DLGAP1: variants seen among roughly 807,000 people sequenced by gnomAD.
The protein encoded by DLGAP1 is disks large-associated protein 1.
DLGAP1 carries 11 observed loss-of-function variants against 90.8 expected under a neutral mutation model. The observed-to-expected ratio is 0.12, with a 90% CI of 0.08 to 0.20. The LOEUF is 0.20. Ranked by LOEUF, DLGAP1 falls within the 10% of genes least tolerant of loss-of-function variation. DLGAP1 has a pLI of 1.00. For synonymous variants in DLGAP1, 558 were observed against 540.7 expected, an observed-to-expected ratio of 1.03 and a Z score of -0.44; for missense variants, 1,050 against 1,333.8, an observed-to-expected ratio of 0.79 and a Z score of 3.31.
chr18:4,313,937 G>A (rs1461014407), intron 1 of DLGAP1, among the ~76,000 whole-genome samples: 1 of 152,170 alleles, frequency 6.6e-6, no homozygotes, highest in African/African-American at 2.4e-5. Context: ...ATGTCTGCAG[G>A]TCATATGGAG....
At chr18:4,265,192 G>C (rs886271546) in intron 1 of DLGAP1, among the ~76,000 whole-genome samples, 1 of 134,628 alleles carries the variant, frequency 7.4e-6, no homozygotes, top group Non-Finnish European at 1.5e-5. Flanking sequence ...TCTTTTTGAC[G>C]GAGTCTCCCT....
intron 1 of DLGAP1, among the ~76,000 whole-genome samples, chr18:4,401,940 T>C (rs1307119050): frequency 6.6e-6 from 1 of 152,182 alleles, no homozygotes; most frequent in Non-Finnish European, 1.5e-5. Flanking sequence ...TAAACTATAT[T>C]TTAAGGCTGC....
At chr18:4,370,898 C>T (rs2081901143) in intron 1 of DLGAP1, among the ~76,000 whole-genome samples, 1 of 152,100 alleles carries the variant, frequency 6.6e-6, no homozygotes, top group South Asian at 2.1e-4. Context: ...TATATCATTC[C>T]ACAATAGTGG....
intron 1 of DLGAP1, among the ~76,000 whole-genome samples, chr18:4,291,588 A>C (rs1423493760): frequency 6.6e-6 from 1 of 152,202 alleles, no homozygotes; most frequent in Non-Finnish European, 1.5e-5. Context: ...TATTTTATAC[A>C]TACACACATA....
intron 5 of DLGAP1, among the ~76,000 whole-genome samples, chr18:3,783,079 T>A (rs1300321557): frequency 6.6e-6 from 1 of 152,156 alleles, no homozygotes; most frequent in Non-Finnish European, 1.5e-5. Flanking sequence ...ATTTGAGCAA[T>A]GCAAATCAAA....
chr18:3,509,668 C>T lies in DLGAP1; in HGVS notation c.2480-1007G>A, dbSNP rs569746020. Among the ~76,000 whole-genome samples, 3 of 152,304 alleles carry T rather than the reference C, an allele frequency of 2.0e-5. No individual in the cohort carries two copies. In the South Asian group the frequency reaches 6.2e-4, roughly 32 times the overall value. ...GATATAGTACAGGATTTAAGCAATC[C>T]TGTTGTTCTGAATTTACGGAGCCAG... On this transcript the variant is annotated intron_variant, in intron 10 of 12. Coordinates refer to ENST00000315677, the MANE Select transcript of DLGAP1 (RefSeq NM_004746.4).
Position 4,358,582 on chromosome 18 carries a change from T to C in DLGAP1, c.-267+96424A>G, listed in dbSNP as rs74787942. 3.7e-3 allele frequency among the ~76,000 whole-genome samples: 563 copies of C among 152,336 alleles called. 8 individuals carry two copies. The highest frequency in any genetic ancestry group is 0.024 in the Admixed American group (362 of 15,298). On this transcript the variant is annotated intron_variant, in intron 1 of 12. Transcript: ENST00000315677. ...TCCAAATGCAAAGGCATTAGAGATATAACTGCAGACTACTCACTCTCCATT... is the reference window on the plus strand; with the variant it reads ...TCCAAATGCAAAGGCATTAGAGATACAACTGCAGACTACTCACTCTCCATT...
intron 4 of DLGAP1, among the ~76,000 whole-genome samples, chr18:3,817,055 GATC>G (rs1438730066): frequency 6.6e-6 from 1 of 152,180 alleles, no homozygotes. Context: ...GCATAGATAT[GATC>G]ATCTTCAGAG....
chr18:3,706,921 A>C (rs1432761561), intron 7 of DLGAP1, among the ~76,000 whole-genome samples: 2 of 152,258 alleles, frequency 1.3e-5, no homozygotes, highest in Non-Finnish European at 1.5e-5. Flanking sequence ...ACAAGATATC[A>C]GTGCCACTGA....
At chr18:4,310,307 A>C (rs1421439723) in intron 1 of DLGAP1, among the ~76,000 whole-genome samples, 18 of 152,090 alleles carry the variant, frequency 1.2e-4, no homozygotes, top group Non-Finnish European at 2.5e-4. Flanking sequence ...AACATTAGTC[A>C]GCTTGCATAT....
At chr18:3,590,438 G>C (rs1327865443) in intron 7 of DLGAP1, among the ~76,000 whole-genome samples, 1 of 152,168 alleles carries the variant, frequency 6.6e-6, no homozygotes, top group Non-Finnish European at 1.5e-5. Flanking sequence ...TTCAATCAGA[G>C]AGCCGGTTGT....
chr18:3,618,903 C>T (rs1279822721), intron 7 of DLGAP1, among the ~76,000 whole-genome samples: 1 of 149,686 alleles, frequency 6.7e-6, no homozygotes, highest in African/African-American at 2.5e-5. Context: ...CGTGTCACTG[C>T]ACTCCAGCCT....
chr18:3,851,886 G>A (rs1237144278), intron 4 of DLGAP1, among the ~76,000 whole-genome samples: 1 of 152,152 alleles, frequency 6.6e-6, no homozygotes, highest in South Asian at 2.1e-4. Context: ...AAGAAAACAG[G>A]AGGTTACTGG....
chr18:4,031,488 C>T (rs1209390629), intron 2 of DLGAP1, among the ~76,000 whole-genome samples: 3 of 152,158 alleles, frequency 2.0e-5, no homozygotes, highest in Non-Finnish European at 4.4e-5. Flanking sequence ...TCATTTTGTT[C>T]GCCCAAAAGC....
chr18:3,528,503 CATT>C (rs771766595), intron 10 of DLGAP1, among the ~76,000 whole-genome samples: 5 of 152,130 alleles, frequency 3.3e-5, no homozygotes, highest in Non-Finnish European at 7.4e-5. Flanking sequence ...CGCAAAGTAT[CATT>C]ATCTTGTCAA....
At chr18:3,696,131 G>A (rs532961530) in intron 7 of DLGAP1, among the ~76,000 whole-genome samples, 61 of 152,324 alleles carry the variant, frequency 4.0e-4, no homozygotes, top group African/African-American at 1.4e-3. Context: ...ATACAATCAT[G>A]TCATCTGCAA....
chr18:3,593,241 GTGAA>G (rs1599415342), intron 7 of DLGAP1, among the ~76,000 whole-genome samples: 1 of 152,252 alleles, frequency 6.6e-6, no homozygotes, highest in African/African-American at 2.4e-5. Context: ...TTAAGTTTCA[GTGAA>G]TGAATGAATT....
chr18:4,447,029 T>G (rs2083684144), intron 1 of DLGAP1, among the ~76,000 whole-genome samples: 1 of 152,212 alleles, frequency 6.6e-6, no homozygotes, highest in South Asian at 2.1e-4. Context: ...TATCACCAAG[T>G]GTTGACAAGG....
chr18:4,092,760 G>A lies in DLGAP1; in HGVS notation c.-159+58420C>T, dbSNP rs138003200. Among the ~76,000 whole-genome samples the A allele has an allele frequency of 2.4e-4, 37 of 152,140 alleles. No homozygotes were observed. The East Asian group carries it at 5.0e-3, about 21-fold the overall frequency. On this transcript the variant is annotated intron_variant, in intron 2 of 12. Coordinates refer to ENST00000315677, the MANE Select transcript of DLGAP1 (RefSeq NM_004746.4). ...ACACCACCTAGAGAGGCTCTGTCCT[G>A]TCTCCAGCTCTGTCCTTGATCCTTC...
Sources: allele counts gnomAD v4.1 joint callset (sites outside exome capture counted in the v4.1 genomes callset), GRCh38; gene constraint gnomAD v4.1.1; transcripts MANE v1.5; gene names NCBI Gene and HGNC (gene_info 2026-07-23, HGNC 2026-07-21).